The following ITM2B variants were observed in gnomAD, a reference collection of about 807,000 sequenced individuals.
ITM2B encodes the protein ABri/ADan amyloid peptide.
In ITM2B, 11 loss-of-function variants were observed where a neutral mutation model predicts 27.8. The observed-to-expected ratio is 0.40, with a 90% confidence interval of 0.25 to 0.66. ITM2B has a LOEUF of 0.66. ITM2B is among the 30% of genes least tolerant of loss of function. ITM2B has a pLI of 0.43. For synonymous variants in ITM2B, 114 were observed against 114.3 expected (o/e 1.00, Z 0.02); for missense variants, 296 against 328.9 (o/e 0.90, Z 0.77).
At position 48,261,368 on chromosome 13, in the gene ITM2B, A is replaced by G. The variant is rs566768439; in HGVS notation, c.*144A>G. The G allele has an allele frequency of 4.5e-4, 282 of 632,828 alleles. 1 individual carries two copies. Among genetic ancestry groups the G allele is most frequent in the South Asian group, 3.5e-3 (174 of 49,264 alleles). 39.2% of individuals were successfully genotyped at this position (632,828 alleles called of 1,614,324 possible). A position where few individuals can be genotyped will look rare whatever the true frequency, so the allele number is the denominator to read the frequency against. The stretch of plus-strand genomic sequence containing the variant: ...ACTATCTTTTCATCTCATTAATTCA[A>G]TTAAAACCATTACCTTAAAATTTTT... On this transcript the variant is annotated 3_prime_UTR_variant, in exon 6 of 6. Coordinates refer to ENST00000647800, the MANE Select transcript of ITM2B (RefSeq NM_021999.5).
chr13:48,268,675 C>T lies in ITM2B; in HGVS notation c.*7451C>T, dbSNP rs1212369873. 1 of 152,002 alleles carries T rather than the reference C, an allele frequency of 6.6e-6. No individual in the cohort carries two copies. Among genetic ancestry groups the T allele is most frequent in the Non-Finnish European group, 1.5e-5 (1 of 67,980 alleles). 9.4% of individuals were successfully genotyped at this position (152,002 alleles called of 1,614,324 possible). The stretch of plus-strand genomic sequence containing the variant: ...TTCTGTGTAGGTATTTTCATTGTTT[C>T]CAAGTTGGGAAGTATGAATAAAGTT... On this transcript the variant is annotated 3_prime_UTR_variant, in exon 6 of 6. Transcript: ENST00000647800.
chr13:48,250,470 T>A (rs1389516951), intron 1 of ITM2B, among the ~76,000 whole-genome samples: 1 of 151,828 alleles, frequency 6.6e-6, no homozygotes, highest in Non-Finnish European at 1.5e-5. Context: ...TACAAAAAAT[T>A]AGCCGGGTGT....
intron 3 of ITM2B, among the ~76,000 whole-genome samples, 173 bp from the exon 4 acceptor site, chr13:48,257,953 C>T (rs1037936487): frequency 2.6e-5 from 4 of 152,156 alleles, no homozygotes; most frequent in African/African-American, 9.7e-5. Flanking sequence ...ATTTTTTCCT[C>T]TCCCATTCCC....
chr13:48,260,513 C>T (rs151251960), intron 5 of ITM2B, among the ~76,000 whole-genome samples: 241 of 152,042 alleles, frequency 1.6e-3, no homozygotes, highest in African/African-American at 5.5e-3. Context: ...TTACCTCCTC[C>T]CTCCCTCCCT....
Position 48,261,267 on chromosome 13 carries a change from A to G in ITM2B, c.*43A>G, listed in dbSNP as rs1951821210. 2 of 1,280,730 alleles carry G rather than the reference A, an allele frequency of 1.6e-6. No homozygotes were observed. Among genetic ancestry groups the G allele is most frequent in the Admixed American group, 1.7e-5 (1 of 59,458 alleles). 79.3% of individuals were successfully genotyped at this position (1,280,730 alleles called of 1,614,324 possible). On this transcript the variant is annotated 3_prime_UTR_variant, in exon 6 of 6. Coordinates refer to ENST00000647800, the MANE Select transcript of ITM2B (RefSeq NM_021999.5). ...TATTGAGGAAAATTAATATCACAGC[A>G]TAACCCCACCCTTTACATTTTGTGC... is the stretch of plus-strand genomic sequence containing the variant.
chr13:48,250,599 C>A (rs929578737), intron 1 of ITM2B, among the ~76,000 whole-genome samples: 2 of 149,414 alleles, frequency 1.3e-5, no homozygotes, highest in Non-Finnish European at 3.0e-5. Flanking sequence ...GCCTGGGCAA[C>A]AGAGCGAGAC....
chr13:48,254,910 T>C (rs886655531), intron 2 of ITM2B: 1 of 152,032 alleles, frequency 6.6e-6, no homozygotes, highest in Admixed American at 6.6e-5. Flanking sequence ...AGTTTCTCTC[T>C]TGTTGCCCAG....
At chr13:48,239,746 A>G (rs1265575869) in intron 1 of ITM2B, among the ~76,000 whole-genome samples, 1 of 152,202 alleles carries the variant, frequency 6.6e-6, no homozygotes, top group Non-Finnish European at 1.5e-5. Context: ...TTATACAACA[A>G]TTTTAGCCCA....
chr13:48,258,975 G>C, intron 5 of ITM2B, 28 bp downstream of exon 5: 1 of 1,577,766 alleles, frequency 6.3e-7, no homozygotes, highest in Non-Finnish European at 8.7e-7. Context: ...TTAAAGTGTT[G>C]GGCAGAAAAG....
intron 1 of ITM2B, among the ~76,000 whole-genome samples, chr13:48,247,967 C>T (rs986550811): frequency 2.0e-5 from 3 of 150,984 alleles, no homozygotes; most frequent in Non-Finnish European, 2.9e-5. Flanking sequence ...CTTTTAAGCG[C>T]GATGCAAGGT....
At position 48,233,232 on chromosome 13, in the gene ITM2B, T is replaced by G. The variant is rs769217205; in HGVS notation, c.-129T>G. 1.1e-5 allele frequency: 6 copies of G among 536,288 alleles called. No individual in the cohort carries two copies. The Admixed American group carries it at 1.7e-4, about 15-fold the overall frequency. The allele number at this position is 536,288 out of a possible 1,614,324, so 33.2% of individuals were successfully genotyped here. ...GTAGCCGCCTCTGCCGCCGCGGAGC[T>G]TCCCGAACCTCTTCAGCCGCCCGGA... On this transcript the variant is annotated 5_prime_UTR_variant, in exon 1 of 6. Coordinates refer to ENST00000647800, the MANE Select transcript of ITM2B (RefSeq NM_021999.5).
chr13:48,246,630 A>T (rs1276075518), intron 1 of ITM2B, among the ~76,000 whole-genome samples: 1 of 152,164 alleles, frequency 6.6e-6, no homozygotes, highest in Non-Finnish European at 1.5e-5. Flanking sequence ...AGTGTACAAA[A>T]CCCAGAACTC....
chr13:48,247,400 A>G (rs548002159), intron 1 of ITM2B, among the ~76,000 whole-genome samples: 234 of 152,218 alleles, frequency 1.5e-3, no homozygotes, highest in African/African-American at 5.3e-3. Context: ...TGTTTTCCTC[A>G]TTAGTATCCT....
Position 48,261,174 on chromosome 13 carries a change from A to C in ITM2B, c.751A>C (p.Ile251Leu). 1 of 1,612,608 alleles carries C rather than the reference A, an allele frequency of 6.2e-7. No individual in the cohort carries two copies. Among genetic ancestry groups the C allele is most frequent in the Non-Finnish European group, 8.5e-7 (1 of 1,179,042 alleles). ...QKREASNCFA[I>L]RHFENKFAVE... ...ACGTGAAGCCAGCAATTGTTTCGCA[A>C]TTCGGCATTTTGAAAACAAATTTGC... The change falls in exon 6 of 6, where the codon ATT becomes CTT. Residue 251 changes from isoleucine to leucine, a missense_variant. Transcript: ENST00000647800.
At position 48,268,667 on chromosome 13, in the gene ITM2B, C is replaced by A. The variant is rs911374770; in HGVS notation, c.*7443C>A. 5 of 152,180 alleles carry A rather than the reference C, an allele frequency of 3.3e-5. No homozygotes were observed. The highest frequency in any genetic ancestry group is 1.3e-4 in the Admixed American group (2 of 15,280). The allele number at this position is 152,180 out of a possible 1,614,324, so 9.4% of individuals were successfully genotyped here. On this transcript the variant is annotated 3_prime_UTR_variant, in exon 6 of 6. Transcript: ENST00000647800. The stretch of plus-strand genomic sequence containing the variant: ...TCATTTTTTTCTGTGTAGGTATTTT[C>A]ATTGTTTCCAAGTTGGGAAGTATGA...
At chr13:48,253,029 G>A (rs1000550831) in intron 1 of ITM2B, among the ~76,000 whole-genome samples, 3 of 152,180 alleles carry the variant, frequency 2.0e-5, no homozygotes, top group Non-Finnish European at 4.4e-5. Context: ...GTTTTCTTAA[G>A]TGGATAGAAA....
At position 48,233,324 on chromosome 13, in the gene ITM2B, C is replaced by G; in HGVS notation, c.-37C>G. 7.2e-7 allele frequency: 1 copy of G among 1,384,914 alleles called. No homozygotes were observed. Among genetic ancestry groups the G allele is most frequent in the South Asian group, 1.3e-5 (1 of 77,788 alleles). 85.8% of individuals were successfully genotyped at this position (1,384,914 alleles called of 1,614,324 possible). On this transcript the variant is annotated 5_prime_UTR_variant, in exon 1 of 6. Coordinates refer to ENST00000647800, the MANE Select transcript of ITM2B (RefSeq NM_021999.5). Reference sequence around the variant, plus strand: ...GGGAGCCCGCAGCCCGCGCCCCGAGCCCGCCGCCGCCCTTCGAGGGCGCCC... The same window carrying G: ...GGGAGCCCGCAGCCCGCGCCCCGAGGCCGCCGCCGCCCTTCGAGGGCGCCC...
Position 48,233,349 on chromosome 13 carries a change from C to G in ITM2B, c.-12C>G. On this transcript the variant is annotated 5_prime_UTR_variant, in exon 1 of 6. Coordinates refer to ENST00000647800, the MANE Select transcript of ITM2B (RefSeq NM_021999.5). ...CCCGCCGCCGCCCTTCGAGGGCGCC[C>G]CAGGCCGCGCCATGGTGAAGGTGAC... is the stretch of plus-strand genomic sequence containing the variant. The G allele has an allele frequency of 6.5e-7, 1 of 1,533,262 alleles. No homozygotes were observed. The highest frequency in any genetic ancestry group is 2.6e-5 in the East Asian group (1 of 38,624). The allele number at this position is 1,533,262 out of a possible 1,614,324, so 95.0% of individuals were successfully genotyped here.
intron 1 of ITM2B, among the ~76,000 whole-genome samples, chr13:48,252,852 A>C (rs942975616): frequency 6.6e-6 from 1 of 152,130 alleles, no homozygotes; most frequent in African/African-American, 2.4e-5. Context: ...CTACTTATTT[A>C]AGTATCTTTG....
Sources: allele counts gnomAD v4.1 joint callset (sites outside exome capture counted in the v4.1 genomes callset), GRCh38; gene constraint gnomAD v4.1.1; transcripts MANE v1.5; gene names NCBI Gene and HGNC (gene_info 2026-07-23, HGNC 2026-07-21).